Variants in SPAM1 observed in about 807,000 individuals in gnomAD.
SPAM1 encodes sperm adhesion molecule 1, also known as hyaluronidase PH-20.
A neutral mutation model predicts 29.6 loss-of-function variants in SPAM1; 22 were observed. That is an observed-to-expected ratio of 0.74 (90% CI 0.53 to 1.06). The LOEUF (loss-of-function observed/expected upper bound fraction) is 1.06. Among genes scored for constraint, SPAM1 ranks in the 50% least tolerant of loss-of-function variants. SPAM1 has a pLI of 0.00. For synonymous variants in SPAM1, 194 were observed against 204.6 expected (o/e 0.95, Z 0.44); for missense variants, 534 against 604.0 (o/e 0.88, Z 1.21).
chr7:123,964,121 C>T (rs1792393360), downstream of SPAM1, among the ~76,000 whole-genome samples: 1 of 151,742 alleles, frequency 6.6e-6, no homozygotes. Flanking sequence ...AATTTAAGCA[C>T]TATGTGCCAT....
chr7:123,969,916 G>A lies in SPAM1; in HGVS notation c.1486-282G>A, dbSNP rs77185793. Among the ~76,000 whole-genome samples the A allele has an allele frequency of 4.4e-3, 675 of 152,088 alleles. 9 individuals carry two copies. Among genetic ancestry groups the A allele is most frequent in the African/African-American group, 0.015 (636 of 41,526 alleles). On this transcript the variant is annotated intron_variant, in intron 5 of 6. Coordinates refer to the SPAM1 transcript ENST00000340011. ...ATATCTAATAGCTTTGATGTATGGT[G>A]AAGGCACTGAAAACTTGGAACCTCA... is the stretch of plus-strand genomic sequence containing the variant.
rs561109546 is a variant in SPAM1 at position 123,928,744 on chromosome 7, T to C, written c.-319+3392T>C. On this transcript the variant is annotated intron_variant, in intron 1 of 4. Coordinates refer to ENST00000682466, the MANE Select transcript of SPAM1 (RefSeq NM_153189.3). ...AATGGGTCCTCTGAGGAAGTTGGGG[T>C]CTGGAGAGATTGTTTAAGCTTTCCT... Among the ~76,000 whole-genome samples, 86 of 152,198 alleles carry C rather than the reference T, an allele frequency of 5.7e-4. 1 individual carries two copies. In the South Asian group the frequency reaches 0.017, roughly 31 times the overall value.
chr7:123,958,118 G>A (rs1792286012), intron 4 of SPAM1, among the ~76,000 whole-genome samples: 1 of 151,984 alleles, frequency 6.6e-6, no homozygotes, highest in African/African-American at 2.4e-5. Flanking sequence ...TTGGGTATCA[G>A]TTATTCTGCC....
intron 5 of SPAM1, among the ~76,000 whole-genome samples, chr7:123,965,409 T>C (rs908312833): frequency 3.3e-5 from 5 of 152,076 alleles, no homozygotes; most frequent in African/African-American, 1.2e-4. Flanking sequence ...TGTCTAGATT[T>C]TCTTCTAGGG....
At chr7:123,963,048 C>T (rs1792381490), downstream of SPAM1, among the ~76,000 whole-genome samples, 3 of 151,716 alleles carry the variant, frequency 2.0e-5, no homozygotes, top group Non-Finnish European at 2.9e-5. Flanking sequence ...ACTTTTTTCT[C>T]GACCAAAAAT....
At chr7:123,927,386 G>A (rs140361371) in intron 1 of SPAM1, among the ~76,000 whole-genome samples, 42 of 152,296 alleles carry the variant, frequency 2.8e-4, no homozygotes, top group African/African-American at 9.9e-4. Context: ...GGCTCCAAGA[G>A]CTAGGAAATG....
In SPAM1 at chr7:123,959,643, C is replaced by A; in HGVS notation, c.1204C>A (p.Pro402Thr). ...WNSSDYLHLN[P>T]DNFAIQLEKG... ...TTCAAGTGACTATCTTCACCTCAACCCAGATAATTTTGCTATTCAACTTGA... is the reference window on the plus strand; with the variant it reads ...TTCAAGTGACTATCTTCACCTCAACACAGATAATTTTGCTATTCAACTTGA... Residue 402 changes from proline (P) to threonine (T), a missense_variant, in exon 5 of 5, where the codon CCA becomes ACA. By Grantham distance (38) the Pro-to-Thr change is conservative. Transcript: ENST00000682466. 1 of 1,613,234 alleles carries A rather than the reference C, an allele frequency of 6.2e-7. No individual in the cohort carries two copies. The highest frequency in any genetic ancestry group is 8.5e-7 in the Non-Finnish European group (1 of 1,179,568).
intron 2 of SPAM1, among the ~76,000 whole-genome samples, chr7:123,952,859 A>G (rs1792145400): frequency 6.6e-6 from 1 of 150,408 alleles, no homozygotes; most frequent in South Asian, 2.1e-4. Context: ...CTGTTGATTT[A>G]CTACTTCTGG....
intron 4 of SPAM1, among the ~76,000 whole-genome samples, chr7:123,956,393 A>G (rs569715131): frequency 6.6e-6 from 1 of 152,118 alleles, no homozygotes; most frequent in Admixed American, 6.6e-5. Flanking sequence ...CATGGATTAC[A>G]TGTTATGTTT....
chr7:123,942,515 T>A (rs1020348971), intron 1 of SPAM1, among the ~76,000 whole-genome samples: 1 of 152,242 alleles, frequency 6.6e-6, no homozygotes, highest in African/African-American at 2.4e-5. Context: ...TTGGCCATAG[T>A]ATATGCATAA....
intron 3 of SPAM1, 48 bp from the exon 4 acceptor site, chr7:123,954,949 A>C: frequency 8.0e-7 from 1 of 1,247,820 alleles, no homozygotes; most frequent in Admixed American, 1.7e-5. Flanking sequence ...TATGTATAGC[A>C]CTTTCATTTC....
intron 5 of SPAM1, among the ~76,000 whole-genome samples, chr7:123,966,288 G>A (rs867072135): frequency 6.6e-6 from 1 of 152,076 alleles, no homozygotes; most frequent in Non-Finnish European, 1.5e-5. Context: ...TGGTGAGGTT[G>A]CAGAGAAAAA....
At chr7:123,946,621 A>G (rs1466972817) in intron 1 of SPAM1, among the ~76,000 whole-genome samples, 1 of 152,148 alleles carries the variant, frequency 6.6e-6, no homozygotes, top group Non-Finnish European at 1.5e-5. Context: ...ATCAGTCAGT[A>G]TGTGTAAGAT....
At chr7:123,965,984 C>T (rs899826094) in intron 5 of SPAM1, among the ~76,000 whole-genome samples, 1 of 151,910 alleles carries the variant, frequency 6.6e-6, no homozygotes, top group African/African-American at 2.4e-5. Flanking sequence ...AAGGAACAAC[C>T]TAGCAGAATG....
chr7:123,963,500 T>A (rs1300197489), downstream of SPAM1, among the ~76,000 whole-genome samples: 2 of 151,852 alleles, frequency 1.3e-5, no homozygotes, highest in Admixed American at 6.6e-5. Flanking sequence ...AAAAAGGATA[T>A]TTTTTATCTC....
At chr7:123,935,696 C>T (rs1487707639) in intron 1 of SPAM1, among the ~76,000 whole-genome samples, 1 of 152,154 alleles carries the variant, frequency 6.6e-6, no homozygotes, top group Non-Finnish European at 1.5e-5. Flanking sequence ...GTGTGTCAGC[C>T]TCCAAAGTTT....
At chr7:123,936,909 T>G (rs559627374) in intron 1 of SPAM1, among the ~76,000 whole-genome samples, 2 of 152,328 alleles carry the variant, frequency 1.3e-5, no homozygotes, top group South Asian at 4.1e-4. Context: ...CAACTTGCTC[T>G]GAGTTTCTAC....
At chr7:123,951,106 G>A (rs770857027) in intron 2 of SPAM1, among the ~76,000 whole-genome samples, 30 of 152,004 alleles carry the variant, frequency 2.0e-4, no homozygotes, top group Admixed American at 5.9e-4. Flanking sequence ...TAATTGGGTT[G>A]TTTGTTTTCT....
chr7:123,957,483 A>G (rs1792273441), intron 4 of SPAM1, among the ~76,000 whole-genome samples: 1 of 152,060 alleles, frequency 6.6e-6, no homozygotes. Context: ...GCACAAGTCA[A>G]GAGAAGAAGT....
Sources: gnomAD v4.1 joint callset for allele counts (sites outside exome capture counted in the v4.1 genomes callset) on GRCh38, gnomAD v4.1.1 for gene constraint, MANE v1.5 for transcripts, NCBI Gene and HGNC (gene_info 2026-07-23, HGNC 2026-07-21) for gene names.